The following ERGIC1 variants were observed in gnomAD, a reference collection of about 807,000 sequenced individuals.
ERGIC1 encodes the protein endoplasmic reticulum-Golgi intermediate compartment protein 1.
ERGIC1 carries 19 observed loss-of-function variants against 38.3 expected under a neutral mutation model. The observed-to-expected ratio is 0.50, with a 90% CI of 0.35 to 0.73. The LOEUF is 0.73. Ranked by LOEUF, ERGIC1 falls within the 30% of genes least tolerant of loss-of-function variation. The pLI is 0.01. For missense variants in ERGIC1, 294 were observed against 389.2 expected (o/e 0.76, Z 2.06); for synonymous variants, 124 against 157.6 (o/e 0.79, Z 1.60).
chr5:172,944,838 C>T (rs1764086341), intron 9 of ERGIC1, among the ~76,000 whole-genome samples: 2 of 152,218 alleles, frequency 1.3e-5, no homozygotes. Flanking sequence ...GGGGCACCTG[C>T]TGCCTGCCCC....
intron 1 of ERGIC1, among the ~76,000 whole-genome samples, chr5:172,870,443 G>C (rs1761974802): frequency 6.6e-6 from 1 of 152,132 alleles, no homozygotes; most frequent in African/African-American, 2.4e-5. Flanking sequence ...GTATACTTCT[G>C]TCCCACATGT....
At chr5:172,880,976 C>T (rs540017214) in intron 1 of ERGIC1, among the ~76,000 whole-genome samples, 36 of 152,300 alleles carry the variant, frequency 2.4e-4, no homozygotes, top group Admixed American at 4.6e-4. Flanking sequence ...TGGCTGGACG[C>T]GGTGGCTCAC....
chr5:172,897,044 C>A lies in ERGIC1; in HGVS notation c.125C>A (p.Ser42Ter), dbSNP rs574989589. 6.2e-7 allele frequency: 1 copy of A among 1,614,134 alleles called. No homozygotes were observed. The highest frequency in any genetic ancestry group is 8.5e-7 in the Non-Finnish European group (1 of 1,180,010). Residue 42 changes from serine to a stop codon, truncating the protein, a stop_gained, in exon 3 of 10, where the codon TCG becomes TAG. Coordinates refer to ENST00000393784, the MANE Select transcript of ERGIC1 (RefSeq NM_001031711.3). LOFTEE classifies it high-confidence loss of function. ...CCLFILFLFL[S>*]ELTGFITTEV... ...CTCTTCATCCTCTTCCTCTTCCTCT[C>A]GGAGCTCACCGGATTTATAACGACA...
chr5:172,836,283 C>T (rs1761034436), intron 1 of ERGIC1, among the ~76,000 whole-genome samples: 1 of 152,102 alleles, frequency 6.6e-6, no homozygotes, highest in African/African-American at 2.4e-5. Context: ...ATGGGTAAGG[C>T]CAGCTCTAGC....
At chr5:172,916,385 T>C (rs1763365791) in intron 5 of ERGIC1, 1 of 152,242 alleles carries the variant, frequency 6.6e-6, no homozygotes, top group South Asian at 2.1e-4. Flanking sequence ...ACCTTTGCCA[T>C]GCCCCGTAAT....
intron 8 of ERGIC1, 45 bp downstream of exon 8, chr5:172,932,581 C>A: frequency 6.3e-7 from 1 of 1,582,580 alleles, no homozygotes. Flanking sequence ...GCGGCGCCCT[C>A]TGCTGACGGA....
At chr5:172,877,547 C>T (rs1762177932) in intron 1 of ERGIC1, among the ~76,000 whole-genome samples, 1 of 150,050 alleles carries the variant, frequency 6.7e-6, no homozygotes, top group Admixed American at 6.7e-5. Context: ...GCAACCTCCA[C>T]CTCCTAGGTT....
chr5:172,885,883 G>T (rs764159999), intron 1 of ERGIC1, among the ~76,000 whole-genome samples: 39 of 152,132 alleles, frequency 2.6e-4, no homozygotes, highest in Non-Finnish European at 5.1e-4. Context: ...CGTCTCATTT[G>T]TCCTGTAGAG....
chr5:172,914,314 G>A (rs1366318527), intron 4 of ERGIC1, among the ~76,000 whole-genome samples: 3 of 150,926 alleles, frequency 2.0e-5, no homozygotes, highest in Non-Finnish European at 2.9e-5. Flanking sequence ...TCCACCTAGC[G>A]TTCATCAGAC....
chr5:172,933,820 G>C (rs754763130), intron 8 of ERGIC1: 3 of 151,974 alleles, frequency 2.0e-5, no homozygotes, highest in Non-Finnish European at 2.9e-5. Flanking sequence ...CATAGCCACT[G>C]TGTGCCTCAG....
At chr5:172,933,370 TC>T (rs1763819288) in intron 8 of ERGIC1, 1 of 152,246 alleles carries the variant, frequency 6.6e-6, no homozygotes, top group East Asian at 1.9e-4. Context: ...GCTCTCTTCT[TC>T]CGTCTTCTCA....
intron 1 of ERGIC1, among the ~76,000 whole-genome samples, chr5:172,842,087 C>T (rs1172386447): frequency 6.6e-6 from 1 of 152,184 alleles, no homozygotes; most frequent in East Asian, 1.9e-4. Flanking sequence ...CTTCTTGTTG[C>T]TCAGGCTGGA....
At chr5:172,902,061 T>C (rs1182153985) in intron 3 of ERGIC1, among the ~76,000 whole-genome samples, 1 of 152,224 alleles carries the variant, frequency 6.6e-6, no homozygotes, top group Admixed American at 6.5e-5. Context: ...GGGTCTGTGA[T>C]GCTGAAGCCC....
In ERGIC1 at chr5:172,857,403, C is replaced by T. The variant is rs75482453; in HGVS notation, c.20+22970C>T. On this transcript the variant is annotated intron_variant, in intron 1 of 9. Coordinates refer to ENST00000393784, the MANE Select transcript of ERGIC1 (RefSeq NM_001031711.3). ...TTTCAAGGAGATGCTTATAAATATGCGTTCCTTCCTTGCAGACATGCCTGC... is the reference window on the plus strand; with the variant it reads ...TTTCAAGGAGATGCTTATAAATATGTGTTCCTTCCTTGCAGACATGCCTGC... Among the ~76,000 whole-genome samples the T allele has an allele frequency of 6.8e-4, 103 of 152,272 alleles. 1 individual carries two copies. The East Asian group carries it at 0.016, about 24-fold the overall frequency.
chr5:172,885,531 G>A (rs1300674806), intron 1 of ERGIC1, among the ~76,000 whole-genome samples: 5 of 152,102 alleles, frequency 3.3e-5, no homozygotes, highest in East Asian at 1.9e-4. Flanking sequence ...CTGGGGTATC[G>A]AGCCCCAGGA....
intron 4 of ERGIC1, among the ~76,000 whole-genome samples, chr5:172,910,425 G>T (rs986107496): frequency 6.6e-6 from 1 of 152,122 alleles, no homozygotes; most frequent in Admixed American, 6.5e-5. Flanking sequence ...GAGAGTGCAG[G>T]ACAGGGCTCA....
At chr5:172,870,909 G>A (rs778277390) in intron 1 of ERGIC1, among the ~76,000 whole-genome samples, 5 of 152,124 alleles carry the variant, frequency 3.3e-5, no homozygotes, top group African/African-American at 4.8e-5. Context: ...CTGGCTCAGC[G>A]GGCCTTTTGC....
At chr5:172,844,765 C>A (rs996411647) in intron 1 of ERGIC1, among the ~76,000 whole-genome samples, 3 of 152,220 alleles carry the variant, frequency 2.0e-5, no homozygotes, top group African/African-American at 7.2e-5. Context: ...CACCACTGGC[C>A]CCTGCCATTG....
At chr5:172,925,478 G>A (rs1279037384) in intron 6 of ERGIC1, among the ~76,000 whole-genome samples, 1 of 152,156 alleles carries the variant, frequency 6.6e-6, no homozygotes, top group Non-Finnish European at 1.5e-5. Context: ...AGAACATGCA[G>A]GTGTGTTAAG....
Sources: gnomAD v4.1 joint callset for allele counts (sites outside exome capture counted in the v4.1 genomes callset) on GRCh38, gnomAD v4.1.1 for gene constraint, MANE v1.5 for transcripts, NCBI Gene and HGNC (gene_info 2026-07-23, HGNC 2026-07-21) for gene names.